Variants in FAM83A observed in about 807,000 individuals in gnomAD.
FAM83A encodes scaffolding CK1 anchoring protein A.
FAM83A carries 21 observed loss-of-function variants against 24.4 expected under a neutral mutation model. That is an observed-to-expected ratio of 0.86 (90% CI 0.61 to 1.24). The LOEUF (loss-of-function observed/expected upper bound fraction) is 1.24. FAM83A is among the 50% of genes most tolerant of loss of function. The pLI, the probability that FAM83A is intolerant of heterozygous loss-of-function variation, is 0.00. For missense variants in FAM83A, 617 were observed against 579.8 expected (o/e 1.06, Z -0.66); for synonymous variants, 270 against 252.4 (o/e 1.07, Z -0.66).
chr8:123,179,616 C>A (rs1337697867), upstream of FAM83A: 2 of 152,172 alleles, frequency 1.3e-5, no homozygotes. Context: ...GGATGAGTGG[C>A]ACTAACATGT....
At chr8:123,200,662 T>TA (rs1362347299) in intron 3 of FAM83A, among the ~76,000 whole-genome samples, 7 of 151,556 alleles carry the variant, frequency 4.6e-5, no homozygotes, top group African/African-American at 1.7e-4. Context: ...ACTAAAAATA[T>TA]AAAAAATCAG....
chr8:123,182,741 A>G, exon 1 of FAM83A: 1 of 1,453,224 alleles, frequency 6.9e-7, no homozygotes, highest in South Asian at 1.3e-5. Flanking sequence ...TCCTGGGAGC[A>G]GGCGGCCTCC....
At chr8:123,179,166 G>A (rs1452542217), upstream of FAM83A, 1 of 152,156 alleles carries the variant, frequency 6.6e-6, no homozygotes, top group Non-Finnish European at 1.5e-5. Flanking sequence ...TCACTGCTAT[G>A]GTTTGAATGT....
intron 3 of FAM83A, among the ~76,000 whole-genome samples, chr8:123,200,823 T>TG (rs1236369536): frequency 6.6e-6 from 1 of 151,750 alleles, no homozygotes; most frequent in Admixed American, 6.6e-5. Flanking sequence ...GATGTGGTGG[T>TG]GGGTGCCTGT....
At chr8:123,200,620 C>T (rs886927034) in intron 3 of FAM83A, among the ~76,000 whole-genome samples, 1 of 152,022 alleles carries the variant, frequency 6.6e-6, no homozygotes, top group Admixed American at 6.6e-5. Flanking sequence ...AGTTTGAGAC[C>T]AGCCAGGTCA....
chr8:123,207,479 C>T, exon 4 of FAM83A: 1 of 1,586,424 alleles, frequency 6.3e-7, no homozygotes, highest in Non-Finnish European at 8.6e-7. Flanking sequence ...CCCGCCTCCA[C>T]CGCCCCGGTT....
intron 1 of FAM83A, among the ~76,000 whole-genome samples, chr8:123,185,488 G>A (rs1823762926): frequency 6.6e-6 from 1 of 152,210 alleles, no homozygotes; most frequent in African/African-American, 2.4e-5. Context: ...CCCTGACACC[G>A]CTGATGTCCT....
chr8:123,208,201 C>A (rs529471803), exon 4 of FAM83A: 1 of 986,822 alleles, frequency 1.0e-6, no homozygotes, highest in Non-Finnish European at 1.2e-6. Flanking sequence ...GTTGGGGAAA[C>A]TCCTCCTCTT....
exon 1 of FAM83A, chr8:123,183,314 G>A (rs376602872): frequency 2.2e-5 from 35 of 1,612,550 alleles, no homozygotes; most frequent in Middle Eastern, 1.7e-4. Flanking sequence ...CTCGTCCGCC[G>A]CTGCATCACC....
chr8:123,195,282 G>A (rs1824110451), intron 3 of FAM83A, among the ~76,000 whole-genome samples: 1 of 152,144 alleles, frequency 6.6e-6, no homozygotes, highest in Non-Finnish European at 1.5e-5. Context: ...GGTTTCCAGG[G>A]GGTGTTAAGG....
chr8:123,192,322 G>A (rs1255455192), intron 2 of FAM83A, among the ~76,000 whole-genome samples: 1 of 152,136 alleles, frequency 6.6e-6, no homozygotes, highest in African/African-American at 2.4e-5. Context: ...ATGGGTATCT[G>A]GTGAGCAGCA....
chr8:123,209,497 AC>A lies in FAM83A; in HGVS notation c.*1812del. 1 of 1,614,200 alleles carries A rather than the reference AC, an allele frequency of 6.2e-7. No homozygotes were observed. Among genetic ancestry groups the A allele is most frequent in the Non-Finnish European group, 8.5e-7 (1 of 1,180,026 alleles). ...ACTTTGGTTCCTGATGGCTTTCTGA[AC>A]CCAGCCCTGACCTTGTTGTTTCACA... On this transcript the variant is annotated 3_prime_UTR_variant, in exon 4 of 4. Coordinates refer to ENST00000690554, the Ensembl canonical transcript of FAM83A. This position sits in a 1 kb window ranked among gnomAD's most constrained non-coding sequence, Gnocchi z 4.7.
chr8:123,203,614 A>G (rs575677367), intron 3 of FAM83A, among the ~76,000 whole-genome samples: 2 of 149,250 alleles, frequency 1.3e-5, no homozygotes, highest in South Asian at 2.1e-4. Context: ...AAAAAGTAAG[A>G]AAAGAAAAGA....
intron 3 of FAM83A, among the ~76,000 whole-genome samples, chr8:123,198,807 G>A (rs1009089810): frequency 1.3e-5 from 2 of 151,972 alleles, no homozygotes; most frequent in South Asian, 2.1e-4. Flanking sequence ...GCGTGATCTC[G>A]GCTCACTGCA....
At chr8:123,197,261 C>T (rs1337433549) in intron 3 of FAM83A, among the ~76,000 whole-genome samples, 1 of 152,124 alleles carries the variant, frequency 6.6e-6, no homozygotes, top group South Asian at 2.1e-4. Flanking sequence ...GAGAACAAGG[C>T]TATGGGAAAA....
intron 1 of FAM83A, among the ~76,000 whole-genome samples, chr8:123,190,200 GAAAA>G (rs1417577979): frequency 6.6e-6 from 1 of 151,706 alleles, no homozygotes; most frequent in East Asian, 1.9e-4. Context: ...AGAAAAGAAA[GAAAA>G]GAAAGAAAGA....
Position 123,192,179 on chromosome 8 carries a change from T to C in FAM83A, c.648+209T>C, listed in dbSNP as rs77950215. 2.8e-4 allele frequency among the ~76,000 whole-genome samples: 42 copies of C among 152,236 alleles called. No individual in the cohort carries two copies. The East Asian group carries it at 5.8e-3, about 21-fold the overall frequency. ...AAATACACGGCCTCTAAGATAACCA[T>C]GACAGGGAAAGAGAAGGCTGGGAGA... On this transcript the variant is annotated intron_variant, in intron 2 of 3. Coordinates refer to ENST00000690554, the Ensembl canonical transcript of FAM83A.
chr8:123,200,751 C>T (rs1824320852), intron 3 of FAM83A, among the ~76,000 whole-genome samples: 1 of 151,976 alleles, frequency 6.6e-6, no homozygotes, highest in Non-Finnish European at 1.5e-5. Flanking sequence ...GTCAGGAGTT[C>T]GAGGCCAGCC....
At chr8:123,193,399 A>G (rs979711513) in intron 2 of FAM83A, among the ~76,000 whole-genome samples, 13 of 152,192 alleles carry the variant, frequency 8.5e-5, no homozygotes, top group Admixed American at 1.3e-4. Context: ...CATAGGCATT[A>G]GGCCCTTGCT....
Sources: allele counts gnomAD v4.1 joint callset (sites outside exome capture counted in the v4.1 genomes callset), GRCh38; gene constraint gnomAD v4.1.1; non-coding constraint Gnocchi (gnomAD v3.1); transcripts MANE v1.5; gene names NCBI Gene and HGNC (gene_info 2026-07-23, HGNC 2026-07-21).